The following CDH13 variants were observed in gnomAD, a reference collection of about 807,000 sequenced individuals.
CDH13 encodes the protein cadherin 13.
CDH13 carries 24 observed loss-of-function variants against 63.8 expected under a neutral mutation model. The observed-to-expected ratio is 0.38, with a 90% CI of 0.27 to 0.53. The LOEUF is 0.53. Ranked by LOEUF, CDH13 falls within the 20% of genes least tolerant of loss-of-function variation. The probability of loss-of-function intolerance (pLI) is 0.85; values close to 1 mark genes in which losing one functional copy is unlikely to be tolerated. For missense variants in CDH13, 1,049 were observed against 903.1 expected (o/e 1.16, Z -2.07); for synonymous variants, 503 against 355.3 (o/e 1.42, Z -4.67).
intron 6 of CDH13, 38 bp from the exon 7 acceptor site, chr16:83,486,439 T>C (rs1335383395): frequency 1.2e-5 from 19 of 1,587,910 alleles, no homozygotes; most frequent in Non-Finnish European, 1.6e-5. Flanking sequence ...GTTGACCCAT[T>C]GATAACCATT....
intron 12 of CDH13, among the ~76,000 whole-genome samples, chr16:83,781,312 T>A (rs916839342): frequency 1.3e-5 from 2 of 152,104 alleles, no homozygotes; most frequent in Non-Finnish European, 2.9e-5. Flanking sequence ...TGTCTTCCAA[T>A]AAAGTAAAAG....
At chr16:83,785,184 C>A (rs1915796918) in intron 13 of CDH13, among the ~76,000 whole-genome samples, 1 of 152,176 alleles carries the variant, frequency 6.6e-6, no homozygotes, top group Non-Finnish European at 1.5e-5. Flanking sequence ...GCTACTATAA[C>A]AAAATACCAT....
chr16:82,908,201 A>G (rs1475690119), intron 2 of CDH13, among the ~76,000 whole-genome samples: 2 of 152,192 alleles, frequency 1.3e-5, no homozygotes, highest in African/African-American at 2.4e-5. Context: ...GAACCTTGAC[A>G]TTCCACAGGA....
Position 83,457,420 on chromosome 16 carries a change from A to G in CDH13, c.782-29057A>G, listed in dbSNP as rs538140586. On this transcript the variant is annotated intron_variant, in intron 6 of 13. Transcript: ENST00000567109. ...ATAGGATCTATTCTGCCTTGCCATC[A>G]CTCATTACATAGCCCCAGACACGTC... Among the ~76,000 whole-genome samples, 15 of 152,044 alleles carry G rather than the reference A, an allele frequency of 9.9e-5. No individual in the cohort carries two copies. In the East Asian group the frequency reaches 1.4e-3, roughly 14 times the overall value.
chr16:82,664,768 G>T (rs939322858), intron 1 of CDH13, among the ~76,000 whole-genome samples: 3 of 152,100 alleles, frequency 2.0e-5, no homozygotes, highest in Non-Finnish European at 4.4e-5. Flanking sequence ...CTACCCAGTG[G>T]CAGTTTTTGA....
At chr16:82,841,350 T>C (rs529126153) in intron 1 of CDH13, among the ~76,000 whole-genome samples, 8 of 152,292 alleles carry the variant, frequency 5.3e-5, no homozygotes, top group South Asian at 4.1e-4. Flanking sequence ...TGTTTAACTA[T>C]CATGGGAGAT....
chr16:82,746,707 G>A (rs1052204642), intron 1 of CDH13, among the ~76,000 whole-genome samples: 1 of 151,476 alleles, frequency 6.6e-6, no homozygotes, highest in East Asian at 1.9e-4. Context: ...ATTTTCCTAA[G>A]ACCTAGAAAA....
At chr16:83,274,662 A>G (rs1253060302) in intron 5 of CDH13, among the ~76,000 whole-genome samples, 1 of 152,100 alleles carries the variant, frequency 6.6e-6, no homozygotes, top group East Asian at 1.9e-4. Context: ...TAAGCTAATG[A>G]TTTTATAAAT....
chr16:83,466,890 T>A (rs9938563), intron 6 of CDH13, among the ~76,000 whole-genome samples: 4,349 of 152,312 alleles, frequency 0.029, 206 homozygotes, highest in African/African-American at 0.098. Flanking sequence ...AAGTCTTCCA[T>A]GCCAAGCCAA....
intron 5 of CDH13, among the ~76,000 whole-genome samples, chr16:83,269,771 A>G (rs16960043): frequency 0.11 from 15,988 of 152,094 alleles, 1,090 homozygotes; most frequent in African/African-American, 0.19. Flanking sequence ...TCACCAGGTA[A>G]TCCTAGACAT....
At chr16:83,120,773 TTTTTTTC>T (rs1374893489) in intron 3 of CDH13, among the ~76,000 whole-genome samples, 1,146 of 39,358 alleles carry the variant, frequency 0.029, 66 homozygotes, top group African/African-American at 0.057. Flanking sequence ...CTTTTTTTTT[TTTTTTTC>T]TGAGATGGAG....
intron 8 of CDH13, among the ~76,000 whole-genome samples, chr16:83,634,005 G>A (rs1981862): frequency 0.97 from 148,207 of 152,294 alleles, 72,248 homozygotes; most frequent in East Asian, 1. Context: ...AGCTTCCTCC[G>A]TAGTAACATC....
chr16:82,672,800 C>CAT (rs1555531858), intron 1 of CDH13, among the ~76,000 whole-genome samples: 1 of 142,880 alleles, frequency 7.0e-6, no homozygotes, highest in Non-Finnish European at 1.5e-5. Flanking sequence ...CACACACACA[C>CAT]ATACACACAC....
At chr16:83,262,124 A>G (rs917552245) in intron 5 of CDH13, among the ~76,000 whole-genome samples, 3 of 152,186 alleles carry the variant, frequency 2.0e-5, no homozygotes, top group African/African-American at 7.2e-5. Context: ...AAGACACACA[A>G]CTGGCTTATT....
chr16:83,686,250 A>C (rs1477149737), intron 10 of CDH13, among the ~76,000 whole-genome samples: 2 of 152,322 alleles, frequency 1.3e-5, no homozygotes, highest in African/African-American at 4.8e-5. Flanking sequence ...CACTTCCTCA[A>C]TCCTTGACAT....
intron 1 of CDH13, among the ~76,000 whole-genome samples, chr16:82,645,616 A>G (rs775436522): frequency 4.6e-5 from 7 of 152,112 alleles, no homozygotes; most frequent in Non-Finnish European, 8.8e-5. Context: ...GAAAACTCTG[A>G]TCCAAATGCA....
intron 1 of CDH13, among the ~76,000 whole-genome samples, chr16:82,652,055 A>C (rs1412240363): frequency 6.6e-6 from 1 of 152,158 alleles, no homozygotes; most frequent in Non-Finnish European, 1.5e-5. Context: ...CGGCCAACCT[A>C]TTGTTGCTGC....
chr16:82,973,404 C>G (rs1476130828), intron 2 of CDH13, among the ~76,000 whole-genome samples: 1 of 152,194 alleles, frequency 6.6e-6, no homozygotes, highest in African/African-American at 2.4e-5. Context: ...AGTGTCAGCT[C>G]ATATGAGACA....
intron 1 of CDH13, among the ~76,000 whole-genome samples, chr16:82,745,347 A>G (rs2151060605): frequency 6.6e-6 from 1 of 152,320 alleles, no homozygotes; most frequent in East Asian, 1.9e-4. Context: ...CATTTTAAAC[A>G]TGATTTTTCT....
Sources: allele counts gnomAD v4.1 joint callset (sites outside exome capture counted in the v4.1 genomes callset), GRCh38; gene constraint gnomAD v4.1.1; transcripts MANE v1.5; gene names NCBI Gene and HGNC (gene_info 2026-07-23, HGNC 2026-07-21).